XKR4: variants seen among roughly 807,000 people sequenced by gnomAD.
The protein encoded by XKR4 is XK-related protein 4.
A neutral mutation model predicts 53.9 loss-of-function variants in XKR4; 12 were observed. That is an observed-to-expected ratio of 0.22 (90% CI 0.14 to 0.36). XKR4 has a LOEUF of 0.36. Among genes scored for constraint, XKR4 ranks in the 10% least tolerant of loss-of-function variants. The pLI, the probability that XKR4 is intolerant of heterozygous loss-of-function variation, is 1.00. For missense variants in XKR4, 799 were observed against 859.5 expected (o/e 0.93, Z 0.88); for synonymous variants, 354 against 362.4 (o/e 0.98, Z 0.26).
chr8:55,358,295 CCTA>C (rs1803851263), intron 2 of XKR4, among the ~76,000 whole-genome samples: 1 of 151,632 alleles, frequency 6.6e-6, no homozygotes, highest in African/African-American at 2.4e-5. Context: ...TAGAGTAATT[CCTA>C]CTATTTCCTT....
At position 55,524,267 on chromosome 8, in the gene XKR4, G is replaced by T. The variant is rs1327543787; in HGVS notation, c.*40G>T. On this transcript the variant is annotated 3_prime_UTR_variant, in exon 3 of 3. Transcript: ENST00000327381. ...CAGGACCCACAACATCCAGATGAAG[G>T]GGTGACAGCAGGGCTGTGGCCATAA... 2 of 1,572,864 alleles carry T rather than the reference G, an allele frequency of 1.3e-6. No individual in the cohort carries two copies. Among genetic ancestry groups the T allele is most frequent in the Non-Finnish European group, 1.7e-6 (2 of 1,154,462 alleles).
intron 1 of XKR4, among the ~76,000 whole-genome samples, chr8:55,249,282 C>T (rs1274071918): frequency 3.3e-5 from 5 of 152,186 alleles, no homozygotes; most frequent in African/African-American, 7.2e-5. Flanking sequence ...ATGACTCTCT[C>T]GCCCTCTGCT....
chr8:55,158,291 G>T (rs116952686), intron 1 of XKR4, among the ~76,000 whole-genome samples: 2 of 152,238 alleles, frequency 1.3e-5, no homozygotes, highest in East Asian at 3.9e-4. Flanking sequence ...TGTTGCTAGT[G>T]TGTATGTCTT....
intron 1 of XKR4, among the ~76,000 whole-genome samples, chr8:55,186,496 AT>A (rs1293920674): frequency 6.6e-6 from 1 of 151,890 alleles, no homozygotes; most frequent in Admixed American, 6.6e-5. Context: ...TCTACTAAAA[AT>A]AAAAAAAAAA....
chr8:55,177,256 C>CA (rs1279960111), intron 1 of XKR4, among the ~76,000 whole-genome samples: 1 of 152,138 alleles, frequency 6.6e-6, no homozygotes, highest in African/African-American at 2.4e-5. Flanking sequence ...AGGCTGGTCT[C>CA]AAACTCCTGA....
chr8:55,186,508 T>C (rs1817379706), intron 1 of XKR4, among the ~76,000 whole-genome samples: 3 of 150,700 alleles, frequency 2.0e-5, no homozygotes, highest in African/African-American at 7.3e-5. Flanking sequence ...AAAAAAAAAA[T>C]AGCCGGGCAT....
intron 2 of XKR4, among the ~76,000 whole-genome samples, chr8:55,389,507 T>C (rs564901937): frequency 6.6e-6 from 1 of 152,150 alleles, no homozygotes; most frequent in Non-Finnish European, 1.5e-5. Context: ...GTGGAATCCA[T>C]CAGAAAATGA....
chr8:55,398,761 T>C (rs2129389615), intron 2 of XKR4, among the ~76,000 whole-genome samples: 1 of 152,306 alleles, frequency 6.6e-6, no homozygotes, highest in South Asian at 2.1e-4. Context: ...ATAGCAAAAC[T>C]GAAGACATTT....
At chr8:55,447,074 A>G (rs1805358399) in intron 2 of XKR4, among the ~76,000 whole-genome samples, 1 of 150,916 alleles carries the variant, frequency 6.6e-6, no homozygotes, top group South Asian at 2.1e-4. Flanking sequence ...AAAAAAAAGC[A>G]GAGGTTAGGA....
Position 55,350,487 on chromosome 8 carries a change from G to A in XKR4, c.807-7191G>A, listed in dbSNP as rs531577362. On this transcript the variant is annotated intron_variant, in intron 1 of 2. Transcript: ENST00000327381. ...CCCATCTAAAAGTAAAGTTTGATAC[G>A]AGCTATATAGCACAGATGAACCTTG... Among the ~76,000 whole-genome samples the A allele has an allele frequency of 6.6e-5, 10 of 152,184 alleles. No individual in the cohort carries two copies. The East Asian group carries it at 9.7e-4, about 15-fold the overall frequency.
In XKR4 at chr8:55,530,042, T is replaced by C. The variant is rs1310539998; in HGVS notation, c.*5815T>C. The C allele has an allele frequency of 1.3e-5, 2 of 151,792 alleles. No homozygotes were observed. The highest frequency in any genetic ancestry group is 6.6e-5 in the Admixed American group (1 of 15,236). The allele number at this position is 151,792 out of a possible 1,614,324, so 9.4% of individuals were successfully genotyped here. ...TATGTGTATGCTGTTTTCATCCAAT[T>C]AAGCAGACTGAAAAAAAACTAAACC... On this transcript the variant is annotated 3_prime_UTR_variant, in exon 3 of 3. Coordinates refer to ENST00000327381, the MANE Select transcript of XKR4 (RefSeq NM_052898.2).
intron 1 of XKR4, among the ~76,000 whole-genome samples, chr8:55,136,447 C>G (rs953601105): frequency 3.9e-5 from 6 of 152,018 alleles, no homozygotes; most frequent in Non-Finnish European, 8.8e-5. Context: ...AATTTTTTTC[C>G]TCACACCAGC....
At chr8:55,444,749 T>C (rs1805321206) in intron 2 of XKR4, among the ~76,000 whole-genome samples, 1 of 152,238 alleles carries the variant, frequency 6.6e-6, no homozygotes, top group African/African-American at 2.4e-5. Context: ...ATGTATTTTA[T>C]GTACTATCAC....
intron 2 of XKR4, among the ~76,000 whole-genome samples, chr8:55,503,975 C>G (rs561463581): frequency 6.6e-6 from 1 of 151,808 alleles, no homozygotes; most frequent in Admixed American, 6.6e-5. Flanking sequence ...GGTGTGTTTT[C>G]CCCCTCCATT....
chr8:55,145,176 C>T (rs1816756127), intron 1 of XKR4, among the ~76,000 whole-genome samples: 1 of 152,080 alleles, frequency 6.6e-6, no homozygotes, highest in South Asian at 2.1e-4. Flanking sequence ...CTTCTGCAGG[C>T]AGATTGGATC....
intron 1 of XKR4, among the ~76,000 whole-genome samples, chr8:55,236,624 T>C (rs543105324): frequency 3.9e-5 from 6 of 152,146 alleles, no homozygotes; most frequent in African/African-American, 1.2e-4. Flanking sequence ...TTCAGCACCC[T>C]TGATAGACCT....
At chr8:55,308,687 T>C (rs1819345714) in intron 1 of XKR4, among the ~76,000 whole-genome samples, 1 of 152,192 alleles carries the variant, frequency 6.6e-6, no homozygotes, top group South Asian at 2.1e-4. Context: ...TTTGTGTTCA[T>C]ATAAAATCCT....
chr8:55,490,405 A>T (rs905564993), intron 2 of XKR4, among the ~76,000 whole-genome samples: 11 of 152,124 alleles, frequency 7.2e-5, no homozygotes, highest in Non-Finnish European at 4.4e-5. Context: ...ACATAATACT[A>T]CTAGGGGAGA....
rs1418881050 is a variant in XKR4 at position 55,531,094 on chromosome 8, C to G, written c.*6867C>G. ...TCCATATTGAAGCAAGAAAGAAACA[C>G]AGCTTTTCTAAGACTATGCAGTCAT... is the stretch of plus-strand genomic sequence containing the variant. On this transcript the variant is annotated 3_prime_UTR_variant, in exon 3 of 3. Transcript: ENST00000327381. 1 of 152,178 alleles carries G rather than the reference C, an allele frequency of 6.6e-6. No individual in the cohort carries two copies. The highest frequency in any genetic ancestry group is 6.5e-5 in the Admixed American group (1 of 15,290). 9.4% of individuals were successfully genotyped at this position (152,178 alleles called of 1,614,324 possible).
Sources: allele counts gnomAD v4.1 joint callset (sites outside exome capture counted in the v4.1 genomes callset), GRCh38; gene constraint gnomAD v4.1.1; transcripts MANE v1.5; gene names NCBI Gene and HGNC (gene_info 2026-07-23, HGNC 2026-07-21).